The following INSL6 variants were observed in gnomAD, a reference collection of about 807,000 sequenced individuals.
INSL6 encodes the protein insulin-like peptide INSL6.
INSL6 carries 16 observed loss-of-function variants against 9.4 expected under a neutral mutation model. The observed-to-expected ratio is 1.70, with a 90% CI of 1.15 to 2.59. INSL6 has a LOEUF of 2.59. Ranked by LOEUF, INSL6 falls within the 30% of genes most tolerant of loss-of-function variation. The pLI is 0.00. For synonymous variants in INSL6, 154 were observed against 96.9 expected (o/e 1.59, Z -3.46); for missense variants, 391 against 257.3 (o/e 1.52, Z -3.56).
At chr9:5,176,571 G>A (rs988053881) in intron 1 of INSL6, among the ~76,000 whole-genome samples, 2 of 151,970 alleles carry the variant, frequency 1.3e-5, no homozygotes, top group Non-Finnish European at 2.9e-5. Context: ...ATAAAGTTCA[G>A]CCCTATTTAC....
intron 3 of INSL6, chr9:5,126,710 G>C: frequency 6.2e-7 from 1 of 1,610,238 alleles, no homozygotes; most frequent in Non-Finnish European, 8.5e-7. Flanking sequence ...CAGAATGCTG[G>C]AACAATAATG....
chr9:5,138,995 GATA>G (rs1379418707), intron 2 of INSL6, among the ~76,000 whole-genome samples: 1 of 151,964 alleles, frequency 6.6e-6, no homozygotes, highest in African/African-American at 2.4e-5. Flanking sequence ...TGTTCAAGGA[GATA>G]ATAAAGTATC....
chr9:5,136,729 CT>C (rs1427369132), intron 2 of INSL6, among the ~76,000 whole-genome samples: 1 of 152,180 alleles, frequency 6.6e-6, no homozygotes, highest in Non-Finnish European at 1.5e-5. Flanking sequence ...GATGCCTTCT[CT>C]CACCAGTCCT....
chr9:5,117,361 G>C, the INSL6 span, among the ~76,000 whole-genome samples: 2 of 152,224 alleles, frequency 1.3e-5, no homozygotes, highest in African/African-American at 4.8e-5. Context: ...ATAACATGGT[G>C]AGATTCATAT....
chr9:5,076,950 A>G, the INSL6 span, among the ~76,000 whole-genome samples: 3 of 151,898 alleles, frequency 2.0e-5, no homozygotes, highest in Admixed American at 6.6e-5. Context: ...TTTTTTAAAA[A>G]AGTTTTAAAG....
At chr9:5,172,090 T>A (rs1234160958) in intron 1 of INSL6, among the ~76,000 whole-genome samples, 1 of 152,136 alleles carries the variant, frequency 6.6e-6, no homozygotes, top group Admixed American at 6.5e-5. Context: ...CAAACTATAC[T>A]ACAAGGGTAC....
intron 2 of INSL6, among the ~76,000 whole-genome samples, chr9:5,143,179 G>A (rs1326871910): frequency 2.6e-5 from 4 of 151,756 alleles, no homozygotes; most frequent in Non-Finnish European, 4.4e-5. Context: ...CCAGGTTTTG[G>A]TATCAGGATG....
At chr9:5,108,355 C>T in the INSL6 span, 1 of 152,230 alleles carries the variant, frequency 6.6e-6, no homozygotes, top group East Asian at 1.9e-4. Flanking sequence ...CGCCTCAATG[C>T]AAGCTCATAT....
chr9:5,064,922 G>C, the INSL6 span: 12 of 1,594,430 alleles, frequency 7.5e-6, no homozygotes, highest in South Asian at 1.0e-4. Context: ...TTTGTCTTTC[G>C]TGTCATTAAT....
chr9:5,101,238 C>G, the INSL6 span, among the ~76,000 whole-genome samples: 10 of 152,248 alleles, frequency 6.6e-5, no homozygotes, highest in Non-Finnish European at 5.9e-5. Context: ...TATCCCATGT[C>G]TGGCTTGGCA....
At chr9:5,018,096 A>G in the INSL6 span, among the ~76,000 whole-genome samples, 2 of 152,248 alleles carry the variant, frequency 1.3e-5, no homozygotes, top group South Asian at 2.1e-4. Flanking sequence ...TTTACATTCA[A>G]GTTTATTCTT....
intron 2 of INSL6, among the ~76,000 whole-genome samples, chr9:5,151,797 A>G (rs1824718930): frequency 6.6e-6 from 1 of 152,214 alleles, no homozygotes; most frequent in Non-Finnish European, 1.5e-5. Context: ...AATCATATTG[A>G]TAATTACATC....
At chr9:5,124,154 C>T (rs1823822293) in exon 4 of INSL6, among the ~76,000 whole-genome samples, 1 of 151,806 alleles carries the variant, frequency 6.6e-6, no homozygotes, top group Admixed American at 6.6e-5. Context: ...TCCGATTATG[C>T]AGGTTTTCTG....
At chr9:5,177,036 G>T (rs1295274989) in intron 1 of INSL6, among the ~76,000 whole-genome samples, 1 of 152,194 alleles carries the variant, frequency 6.6e-6, no homozygotes, top group East Asian at 1.9e-4. Flanking sequence ...TCATGACTTT[G>T]ATTAGGATGA....
At chr9:4,993,905 A>G in the INSL6 span, among the ~76,000 whole-genome samples, 6 of 152,114 alleles carry the variant, frequency 3.9e-5, no homozygotes, top group Admixed American at 2.0e-4. Flanking sequence ...CCAAAGATGC[A>G]TATGTTAGTG....
the INSL6 span, among the ~76,000 whole-genome samples, chr9:5,003,056 GT>G: frequency 1.3e-5 from 2 of 151,832 alleles, no homozygotes; most frequent in African/African-American, 4.8e-5. Flanking sequence ...ATGTGAGTAT[GT>G]TTTTTTGGAC....
chr9:5,122,493 G>C (rs941254754), downstream of INSL6, among the ~76,000 whole-genome samples: 3 of 151,952 alleles, frequency 2.0e-5, no homozygotes, highest in African/African-American at 4.8e-5. Context: ...CTTCTTAGAA[G>C]GTACTCTGCA....
At chr9:5,050,594 T>C in the INSL6 span, 3 of 1,319,982 alleles carry the variant, frequency 2.3e-6, no homozygotes, top group African/African-American at 4.5e-5. Context: ...TAAATGCATA[T>C]GTTCTGAAAA....
chr9:5,143,508 G>T (rs1174432194), intron 2 of INSL6, among the ~76,000 whole-genome samples: 2 of 152,024 alleles, frequency 1.3e-5, no homozygotes, highest in African/African-American at 4.8e-5. Context: ...ATGGTTGTCT[G>T]TATTTCTGTG....
Sources: gnomAD v4.1 joint callset for allele counts (sites outside exome capture counted in the v4.1 genomes callset) on GRCh38, gnomAD v4.1.1 for gene constraint, MANE v1.5 for transcripts, NCBI Gene and HGNC (gene_info 2026-07-23, HGNC 2026-07-21) for gene names.